The following DENND2A variants were observed in gnomAD, a reference collection of about 807,000 sequenced individuals.
DENND2A encodes the protein DENN domain-containing protein 2A.
Under a neutral mutation model 105.3 loss-of-function variants are expected in DENND2A, and 53 were observed. That is an observed-to-expected ratio of 0.50 (90% CI 0.40 to 0.63). The LOEUF (loss-of-function observed/expected upper bound fraction) is 0.63. Ranked by LOEUF, DENND2A falls within the 30% of genes least tolerant of loss-of-function variation. The probability of loss-of-function intolerance (pLI) is 0.00; values close to 1 mark genes in which losing one functional copy is unlikely to be tolerated. For missense variants in DENND2A, 1,138 were observed against 1,279.6 expected (o/e 0.89, Z 1.69); for synonymous variants, 522 against 508.4 (o/e 1.03, Z -0.36).
intron 1 of DENND2A, among the ~76,000 whole-genome samples, chr7:140,626,533 T>C (rs1032428415): frequency 2.6e-5 from 4 of 152,218 alleles, no homozygotes; most frequent in African/African-American, 9.6e-5. Flanking sequence ...TTGAATGGAA[T>C]GCACCCGTAG....
intron 14 of DENND2A, among the ~76,000 whole-genome samples, chr7:140,539,988 T>C (rs542378969): frequency 3.2e-4 from 48 of 152,330 alleles, no homozygotes; most frequent in African/African-American, 1.2e-3. Flanking sequence ...GTCAGAGCCA[T>C]GCGGGGCCGC....
intron 11 of DENND2A, 29 bp from the exon 12 acceptor site, chr7:140,555,742 TG>T: frequency 6.3e-7 from 1 of 1,576,358 alleles, no homozygotes; most frequent in Non-Finnish European, 8.6e-7. Flanking sequence ...AAGGGAATTA[TG>T]AGTGTTGACA....
intron 6 of DENND2A, among the ~76,000 whole-genome samples, chr7:140,572,446 C>A (rs2130608210): frequency 6.6e-6 from 1 of 152,046 alleles, no homozygotes; most frequent in Admixed American, 6.6e-5. Flanking sequence ...CATCCATGAA[C>A]TCTGAAATTA....
chr7:140,633,816 G>A (rs1398386867), intron 1 of DENND2A, among the ~76,000 whole-genome samples: 3 of 152,046 alleles, frequency 2.0e-5, no homozygotes, highest in Admixed American at 2.0e-4. Context: ...GCCCAGGCTG[G>A]AGTGCAGTGG....
At chr7:140,555,605 C>T in intron 12 of DENND2A, 31 bp downstream of exon 12, 1 of 1,608,256 alleles carries the variant, frequency 6.2e-7, no homozygotes, top group East Asian at 2.2e-5. Flanking sequence ...CGTTCCTTCC[C>T]TTCCTCTTTC....
intron 1 of DENND2A, among the ~76,000 whole-genome samples, chr7:140,620,549 T>G (rs1800250203): frequency 1.3e-5 from 2 of 152,186 alleles, no homozygotes; most frequent in South Asian, 4.1e-4. Flanking sequence ...AAGCATATAT[T>G]ATAATTGCTA....
chr7:140,605,120 A>G (rs546574684), intron 2 of DENND2A, among the ~76,000 whole-genome samples: 4 of 152,314 alleles, frequency 2.6e-5, no homozygotes, highest in South Asian at 2.1e-4. Context: ...AGGATGCCGC[A>G]ACTGTCCTAC....
At chr7:140,619,019 C>T (rs776061327) in intron 1 of DENND2A, among the ~76,000 whole-genome samples, 1 of 152,034 alleles carries the variant, frequency 6.6e-6, no homozygotes, top group Non-Finnish European at 1.5e-5. Flanking sequence ...AGGATGGTCT[C>T]GATCTCCTGA....
chr7:140,585,555 C>G, intron 5 of DENND2A, 34 bp downstream of exon 5: 4 of 1,613,242 alleles, frequency 2.5e-6, no homozygotes, highest in Non-Finnish European at 3.4e-6. Flanking sequence ...TGCTTTGGCC[C>G]CCTCTCCTGC....
chr7:140,546,109 A>T (rs576374196), intron 13 of DENND2A, among the ~76,000 whole-genome samples: 1 of 152,160 alleles, frequency 6.6e-6, no homozygotes, highest in African/African-American at 2.4e-5. Context: ...GAGGGATGAA[A>T]ACAAACTCCT....
At chr7:140,637,948 C>T (rs181042135) in intron 1 of DENND2A, among the ~76,000 whole-genome samples, 117 of 152,312 alleles carry the variant, frequency 7.7e-4, no homozygotes, top group African/African-American at 2.5e-3. Context: ...TCCCTGGCCC[C>T]ATACTCTGAG....
At chr7:140,641,193 G>C (rs1435427024), upstream of DENND2A, among the ~76,000 whole-genome samples, 2 of 151,494 alleles carry the variant, frequency 1.3e-5, no homozygotes, top group African/African-American at 4.9e-5. Context: ...GGGCACCTCG[G>C]GCAGTGAGTC....
chr7:140,559,604 A>G lies in DENND2A; in HGVS notation c.1889+104T>C. 1 of 814,516 alleles carries G rather than the reference A, an allele frequency of 1.2e-6. No individual in the cohort carries two copies. The highest frequency in any genetic ancestry group is 2.6e-5 in the East Asian group (1 of 38,518). 50.5% of individuals were successfully genotyped at this position (814,516 alleles called of 1,614,324 possible). A position where few individuals can be genotyped will look rare whatever the true frequency, so the allele number is the denominator to read the frequency against. ...AAAGCTCTAGGCCAGGCCCATCAGG[A>G]TTACTTAACGGTGGGAATGACTCAT... On this transcript the variant is annotated intron_variant, in intron 10 of 19. Coordinates refer to ENST00000496613, the MANE Select transcript of DENND2A (RefSeq NM_015689.5). The surrounding 1 kb of genome is among the most constrained non-coding windows in gnomAD (Gnocchi z 4.1).
rs545340440 is a variant in DENND2A, at chr7:140,624,682, T to C, written c.-248+15822A>G. ...CTGGATCTGCTAGTTACACGTTCCA[T>C]GTTCTTGAAGGCATTTCTTTTCCTT... On this transcript the variant is annotated intron_variant, in intron 1 of 19. Transcript: ENST00000496613. 1.4e-4 allele frequency among the ~76,000 whole-genome samples: 22 copies of C among 152,082 alleles called. No homozygotes were observed. In the South Asian group the frequency reaches 4.4e-3, roughly 30 times the overall value.
In DENND2A at chr7:140,640,192, C is replaced by T. The variant is rs1454184811; in HGVS notation, c.-248+312G>A. The T allele has an allele frequency of 1.1e-4, 17 of 152,718 alleles. No individual in the cohort carries two copies. Among genetic ancestry groups the T allele is most frequent in the Admixed American group, 1.1e-3 (17 of 15,292 alleles). The allele number at this position is 152,718 out of a possible 1,614,324, so 9.5% of individuals were successfully genotyped here. ...GCGCGCGCGCGGACACACACACACT[C>T]ACACTCGCGCCCCGAGGGACCCAGC... On this transcript the variant is annotated intron_variant, in intron 1 of 19. Transcript: ENST00000496613. The surrounding 1 kb of genome is among the most constrained non-coding windows in gnomAD (Gnocchi z 4.9).
Position 140,559,275 on chromosome 7 carries a change from CA to C in DENND2A, c.1889+432del, listed in dbSNP as rs771216137. Among the ~76,000 whole-genome samples the C allele has an allele frequency of 8.5e-5, 13 of 152,196 alleles. No homozygotes were observed. Among genetic ancestry groups the C allele is most frequent in the Non-Finnish European group, 1.9e-4 (13 of 68,046 alleles). ...CGGTACCCCTTAAAGACAGGACCCGCAGCCTACTGAGTTTGGCCAAATGCGG... is the reference window on the plus strand; with the variant it reads ...CGGTACCCCTTAAAGACAGGACCCGCGCCTACTGAGTTTGGCCAAATGCGG... On this transcript the variant is annotated intron_variant, in intron 10 of 19. Coordinates refer to ENST00000496613, the MANE Select transcript of DENND2A (RefSeq NM_015689.5). This position sits in a 1 kb window ranked among gnomAD's most constrained non-coding sequence, Gnocchi z 4.1.
intron 1 of DENND2A, among the ~76,000 whole-genome samples, chr7:140,613,235 C>T (rs1001112911): frequency 6.6e-6 from 1 of 151,936 alleles, no homozygotes; most frequent in Admixed American, 6.6e-5. Flanking sequence ...GAGCTATAAT[C>T]GCACCTGTGA....
rs374600500 is a variant in DENND2A at position 140,624,705 on chromosome 7, CTTT to C, written c.-248+15796_-248+15798del. 2.7e-5 allele frequency among the ~76,000 whole-genome samples: 4 copies of C among 148,728 alleles called. No individual in the cohort carries two copies. The Admixed American group carries it at 2.7e-4, about 10-fold the overall frequency. On this transcript the variant is annotated intron_variant, in intron 1 of 19. Coordinates refer to ENST00000496613, the MANE Select transcript of DENND2A (RefSeq NM_015689.5). ...CATGTTCTTGAAGGCATTTCTTTTC[CTTT>C]TTTTTTTCTTAGCTGAAGAGCCACT...
chr7:140,586,441 C>A (rs1798787974), intron 4 of DENND2A, among the ~76,000 whole-genome samples: 5 of 151,688 alleles, frequency 3.3e-5, no homozygotes, highest in Admixed American at 3.3e-4. Context: ...CGCCTATAAT[C>A]CCAGCTACTT....
Sources: gnomAD v4.1 joint callset for allele counts (sites outside exome capture counted in the v4.1 genomes callset) on GRCh38, gnomAD v4.1.1 for gene constraint, Gnocchi (gnomAD v3.1) non-coding constraint, MANE v1.5 for transcripts, NCBI Gene and HGNC (gene_info 2026-07-23, HGNC 2026-07-21) for gene names.